The following ERGIC1 variants were observed in gnomAD, a reference collection of about 807,000 sequenced individuals.
The protein encoded by ERGIC1 is endoplasmic reticulum-Golgi intermediate compartment protein 1.
In ERGIC1, 19 loss-of-function variants were observed where a neutral mutation model predicts 38.3. The observed-to-expected ratio is 0.50, with a 90% confidence interval of 0.35 to 0.73. The LOEUF is 0.73. Ranked by LOEUF, ERGIC1 falls within the 30% of genes least tolerant of loss-of-function variation. ERGIC1 has a pLI of 0.01. For synonymous variants in ERGIC1, 124 were observed against 157.6 expected, an observed-to-expected ratio of 0.79 and a Z score of 1.60; for missense variants, 294 against 389.2, an observed-to-expected ratio of 0.76 and a Z score of 2.06.
chr5:172,852,133 G>A (rs992262056), intron 1 of ERGIC1, among the ~76,000 whole-genome samples: 16 of 152,122 alleles, frequency 1.1e-4, no homozygotes, highest in African/African-American at 3.1e-4. Flanking sequence ...TGATTTGATT[G>A]GGAGGGAGTG....
chr5:172,906,328 A>G (rs1158605879), intron 3 of ERGIC1: 1 of 369,542 alleles, frequency 2.7e-6, no homozygotes, highest in Non-Finnish European at 5.3e-6. Flanking sequence ...GCCATTTCCT[A>G]GCATGTGACT....
chr5:172,870,571 C>A (rs1252579902), intron 1 of ERGIC1, among the ~76,000 whole-genome samples: 2 of 152,210 alleles, frequency 1.3e-5, no homozygotes, highest in African/African-American at 4.8e-5. Flanking sequence ...AAAGGTGTTT[C>A]CTCTCTATGA....
At chr5:172,885,706 T>TA (rs1554109521) in intron 1 of ERGIC1, among the ~76,000 whole-genome samples, 32 of 151,880 alleles carry the variant, frequency 2.1e-4, no homozygotes, top group East Asian at 5.8e-4. Flanking sequence ...TGCAGCCCTT[T>TA]CCTGCTGCTC....
intron 5 of ERGIC1, among the ~76,000 whole-genome samples, chr5:172,922,866 G>T (rs1763558696): frequency 6.6e-6 from 1 of 152,216 alleles, no homozygotes; most frequent in Non-Finnish European, 1.5e-5. Flanking sequence ...GGCCCAGGCT[G>T]TGGGGAACAT....
At chr5:172,857,641 C>T (rs1217306203) in intron 1 of ERGIC1, among the ~76,000 whole-genome samples, 4 of 141,584 alleles carry the variant, frequency 2.8e-5, no homozygotes, top group African/African-American at 8.0e-5. Context: ...GAATAGTGCA[C>T]CTGCCAATAA....
chr5:172,920,544 C>T (rs191214777), intron 5 of ERGIC1: 6 of 682,874 alleles, frequency 8.8e-6, no homozygotes, highest in Admixed American at 4.2e-5. Context: ...GAGACACTGA[C>T]GTAGGTTCCT....
At chr5:172,920,006 C>G (rs1042669368) in intron 5 of ERGIC1, among the ~76,000 whole-genome samples, 20 of 152,220 alleles carry the variant, frequency 1.3e-4, no homozygotes, top group Admixed American at 4.6e-4. Context: ...GTGACCTGGT[C>G]AAGGTCACGC....
intron 1 of ERGIC1, among the ~76,000 whole-genome samples, chr5:172,884,264 T>G (rs919349567): frequency 2.7e-5 from 4 of 149,906 alleles, no homozygotes; most frequent in African/African-American, 7.4e-5. Context: ...TTTTTTTTTT[T>G]TTTTTTAAAG....
intron 2 of ERGIC1, among the ~76,000 whole-genome samples, chr5:172,889,405 T>TA (rs575418861): frequency 0.043 from 6,279 of 147,170 alleles, 128 homozygotes; most frequent in Middle Eastern, 0.1. Context: ...TTTTATCCAT[T>TA]AAAAAAAAAA....
chr5:172,918,923 C>G (rs935633592), intron 5 of ERGIC1, among the ~76,000 whole-genome samples: 1 of 152,300 alleles, frequency 6.6e-6, no homozygotes, highest in African/African-American at 2.4e-5. Context: ...CCTGCCCACC[C>G]ACATTCACTC....
At chr5:172,887,462 A>G (rs1246749844) in intron 1 of ERGIC1, among the ~76,000 whole-genome samples, 1 of 152,192 alleles carries the variant, frequency 6.6e-6, no homozygotes, top group East Asian at 1.9e-4. Context: ...GTGGCCTCAC[A>G]GGGTCTAGTA....
chr5:172,919,199 G>A (rs938577054), intron 5 of ERGIC1, among the ~76,000 whole-genome samples: 1 of 152,192 alleles, frequency 6.6e-6, no homozygotes, highest in African/African-American at 2.4e-5. Context: ...AGAATGACGG[G>A]GTGCTGTGGT....
intron 2 of ERGIC1, among the ~76,000 whole-genome samples, chr5:172,892,627 GTTAGAGAGCC>G (rs1177380765): frequency 6.6e-6 from 1 of 152,184 alleles, no homozygotes; most frequent in Non-Finnish European, 1.5e-5. Flanking sequence ...GAAGTCTGGA[GTTAGAGAGCC>G]TTAGAGTCTT....
chr5:172,915,475 G>A (rs768876635), intron 5 of ERGIC1: 19 of 433,568 alleles, frequency 4.4e-5, no homozygotes, highest in South Asian at 1.5e-4. Context: ...TACCTTGTCC[G>A]CTCAGAAGGA....
chr5:172,939,401 G>A (rs1581588190), intron 9 of ERGIC1, among the ~76,000 whole-genome samples: 1 of 152,258 alleles, frequency 6.6e-6, no homozygotes, highest in South Asian at 2.1e-4. Flanking sequence ...AATGCTATGC[G>A]CAGAGGCGCC....
Position 172,951,132 on chromosome 5 carries a change from G to A in ERGIC1, c.*316G>A. Reference sequence around the variant, plus strand: ...AGGAGAGCTGCAGTCTCTTCCCTCAGGGGAACATCCCAGAATGCATATCGA... The same window carrying A: ...AGGAGAGCTGCAGTCTCTTCCCTCAAGGGAACATCCCAGAATGCATATCGA... On this transcript the variant is annotated 3_prime_UTR_variant, in exon 10 of 10. Coordinates refer to ENST00000393784, the MANE Select transcript of ERGIC1 (RefSeq NM_001031711.3). The A allele has an allele frequency of 4.2e-6, 1 of 235,508 alleles. No individual in the cohort carries two copies. The highest frequency in any genetic ancestry group is 9.8e-5 in the South Asian group (1 of 10,172). 14.6% of individuals were successfully genotyped at this position (235,508 alleles called of 1,614,324 possible).
At chr5:172,935,726 T>G (rs1763876399) in intron 9 of ERGIC1, 3 of 172,900 alleles carry the variant, frequency 1.7e-5, no homozygotes, top group Non-Finnish European at 3.8e-5. Context: ...TTATAGCTGC[T>G]GATAGGGTCC....
chr5:172,903,165 T>A (rs1336283562), intron 3 of ERGIC1, among the ~76,000 whole-genome samples: 2 of 152,152 alleles, frequency 1.3e-5, no homozygotes, highest in Non-Finnish European at 2.9e-5. Context: ...GACTCCCTCC[T>A]CCACTCAGGC....
chr5:172,866,586 C>T (rs910084058), intron 1 of ERGIC1, among the ~76,000 whole-genome samples: 2 of 152,224 alleles, frequency 1.3e-5, no homozygotes, highest in African/African-American at 4.8e-5. Context: ...TTTCCCTGTA[C>T]TAACATGTGA....
Sources: allele counts gnomAD v4.1 joint callset (sites outside exome capture counted in the v4.1 genomes callset), GRCh38; gene constraint gnomAD v4.1.1; transcripts MANE v1.5; gene names NCBI Gene and HGNC (gene_info 2026-07-23, HGNC 2026-07-21).